The following ARHGAP6 variants were observed in gnomAD, a reference collection of about 807,000 sequenced individuals.
ARHGAP6 encodes the protein Rho GTPase activating protein 6.
A neutral mutation model predicts 55.7 loss-of-function variants in ARHGAP6; 16 were observed. The observed-to-expected ratio is 0.29, with a 90% CI of 0.19 to 0.44. The LOEUF (loss-of-function observed/expected upper bound fraction) is 0.44, where lower values mean the gene tolerates loss of function less well. Ranked by LOEUF, ARHGAP6 falls within the 20% of genes least tolerant of loss-of-function variation. The pLI, the probability that ARHGAP6 is intolerant of heterozygous loss-of-function variation, is 1.00. For synonymous variants in ARHGAP6, 382 were observed against 360.9 expected (o/e 1.06, Z -0.66); for missense variants, 698 against 808.9 (o/e 0.86, Z 1.66).
chrX:11,386,595 GGT>G (rs1270608577), intron 1 of ARHGAP6, among the ~76,000 whole-genome samples: 1 of 111,606 alleles, frequency 9.0e-6, no homozygotes, highest in African/African-American at 3.3e-5. Flanking sequence ...TAAACGCTTA[GGT>G]GGGGCAAACA....
Position 11,490,866 on chromosome X carries a change from CA to C in ARHGAP6, c.588+173374del, listed in dbSNP as rs2050560251. On this transcript the variant is annotated intron_variant, in intron 1 of 12. Coordinates refer to ENST00000337414, the MANE Select transcript of ARHGAP6 (RefSeq NM_013427.3). ...TGACTTCACTTTGGACAATAAGACC[CA>C]ATCATAGTATATCAACATTGAAACA... Among the ~76,000 whole-genome samples, 4 of 112,208 alleles carry C rather than the reference CA, an allele frequency of 3.6e-5. No homozygotes were observed. The Admixed American group carries it at 3.8e-4, about 11-fold the overall frequency.
At chrX:11,376,319 C>A (rs1313206970) in intron 1 of ARHGAP6, among the ~76,000 whole-genome samples, 1 of 112,635 alleles carries the variant, frequency 8.9e-6, no homozygotes, top group Non-Finnish European at 1.9e-5. Flanking sequence ...CCTGGATTAT[C>A]CAGGTAAAAC....
At chrX:11,627,585 T>C (rs773310916) in intron 1 of ARHGAP6, among the ~76,000 whole-genome samples, 1 of 111,411 alleles carries the variant, frequency 9.0e-6, no homozygotes, top group African/African-American at 3.3e-5. Context: ...CAATAAATTG[T>C]CTTTATTATT....
intron 1 of ARHGAP6, among the ~76,000 whole-genome samples, chrX:11,345,550 C>G (rs780280965): frequency 8.9e-6 from 1 of 111,921 alleles, no homozygotes; most frequent in Non-Finnish European, 1.9e-5. Flanking sequence ...GAACAAAGCA[C>G]CAGTGAATAC....
chrX:11,654,904 A>G (rs1316838455), intron 1 of ARHGAP6, among the ~76,000 whole-genome samples: 5 of 112,390 alleles, frequency 4.4e-5, no homozygotes, highest in African/African-American at 1.6e-4. Flanking sequence ...TAAAATTCAC[A>G]GACCATATAA....
chrX:11,658,638 AT>A (rs1284232663), intron 1 of ARHGAP6, among the ~76,000 whole-genome samples: 2 of 105,809 alleles, frequency 1.9e-5, no homozygotes, highest in East Asian at 2.9e-4. Context: ...GAAATCCCTT[AT>A]TTTTTTTCAT....
intron 1 of ARHGAP6, among the ~76,000 whole-genome samples, chrX:11,607,179 T>C (rs1322381614): frequency 2.7e-5 from 3 of 112,320 alleles, no homozygotes; most frequent in Non-Finnish European, 5.6e-5. Context: ...GGCAGACTAC[T>C]TTTTTGCCCT....
chrX:11,654,476 A>G (rs749540233), intron 1 of ARHGAP6, among the ~76,000 whole-genome samples: 3 of 111,993 alleles, frequency 2.7e-5, no homozygotes, highest in Non-Finnish European at 5.6e-5. Context: ...ATCCATCAGC[A>G]TATCATTCGA....
intron 1 of ARHGAP6, among the ~76,000 whole-genome samples, chrX:11,653,180 T>TCTAAATATTCTA (rs2052605359): frequency 1.8e-5 from 2 of 112,069 alleles, no homozygotes; most frequent in South Asian, 7.4e-4. Context: ...TTTCCAACAT[T>TCTAAATATTCTA]CTAAATATTC....
At chrX:11,171,002 T>C (rs2046082885) in intron 8 of ARHGAP6, among the ~76,000 whole-genome samples, 1 of 111,060 alleles carries the variant, frequency 9.0e-6, no homozygotes, top group Admixed American at 9.5e-5. Flanking sequence ...CTAAGAGTCA[T>C]GTCAGTGGTG....
At chrX:11,522,847 T>C (rs2050946789) in intron 1 of ARHGAP6, among the ~76,000 whole-genome samples, 1 of 111,562 alleles carries the variant, frequency 9.0e-6, no homozygotes, top group Admixed American at 9.5e-5. Context: ...ACTATTCCAA[T>C]CAATAGAAAA....
intron 1 of ARHGAP6, among the ~76,000 whole-genome samples, chrX:11,584,907 G>A (rs1051651348): frequency 1.8e-5 from 2 of 111,595 alleles, no homozygotes; most frequent in Non-Finnish European, 3.8e-5. Flanking sequence ...TGTCATGGAG[G>A]CTTGTTGTAC....
chrX:11,552,713 C>T (rs2051283365), intron 1 of ARHGAP6, among the ~76,000 whole-genome samples: 1 of 102,727 alleles, frequency 9.7e-6, no homozygotes, highest in Non-Finnish European at 2.0e-5. Flanking sequence ...TTTAGTGAAA[C>T]AAACCAGGCA....
At chrX:11,523,064 G>A (rs2050950154) in intron 1 of ARHGAP6, among the ~76,000 whole-genome samples, 1 of 111,866 alleles carries the variant, frequency 8.9e-6, no homozygotes, top group South Asian at 3.7e-4. Context: ...TCCCTGGGAT[G>A]CAAGGCTGGT....
chrX:11,380,429 C>T (rs1396287773), intron 1 of ARHGAP6, among the ~76,000 whole-genome samples: 1 of 111,985 alleles, frequency 8.9e-6, no homozygotes, highest in Non-Finnish European at 1.9e-5. Flanking sequence ...TGAGGAGATA[C>T]TTCTATGCGA....
intron 1 of ARHGAP6, among the ~76,000 whole-genome samples, chrX:11,410,863 G>C (rs936962589): frequency 3.7e-5 from 4 of 109,207 alleles, no homozygotes; most frequent in Non-Finnish European, 7.6e-5. Flanking sequence ...TGATGAGCAA[G>C]AGAATTATAA....
intron 1 of ARHGAP6, among the ~76,000 whole-genome samples, chrX:11,476,469 T>C (rs1428089282): frequency 8.9e-6 from 1 of 111,847 alleles, no homozygotes; most frequent in East Asian, 2.8e-4. Context: ...GCAGACATTA[T>C]AAAATTGTAT....
intron 1 of ARHGAP6, among the ~76,000 whole-genome samples, chrX:11,609,807 G>C (rs908147275): frequency 1.4e-4 from 16 of 111,797 alleles, no homozygotes; most frequent in Non-Finnish European, 5.6e-5. Flanking sequence ...CAACAAATGG[G>C]AGCAATGGTG....
chrX:11,201,738 G>A (rs2046624590), intron 2 of ARHGAP6, among the ~76,000 whole-genome samples: 1 of 111,380 alleles, frequency 9.0e-6, no homozygotes, highest in Non-Finnish European at 1.9e-5. Context: ...TGGGGGAAAA[G>A]CCCCTTATAA....
Sources: gnomAD v4.1 joint callset for allele counts (sites outside exome capture counted in the v4.1 genomes callset) on GRCh38, gnomAD v4.1.1 for gene constraint, MANE v1.5 for transcripts, NCBI Gene and HGNC (gene_info 2026-07-23, HGNC 2026-07-21) for gene names.